AGAP1: variants seen among roughly 807,000 people sequenced by gnomAD.
The protein encoded by AGAP1 is ArfGAP with GTPase domain, ankyrin repeat and PH domain 1.
A neutral mutation model predicts 105.3 loss-of-function variants in AGAP1; 29 were observed. The observed-to-expected ratio is 0.28, with a 90% CI of 0.21 to 0.38. The LOEUF is 0.38. Among genes scored for constraint, AGAP1 ranks in the 10% least tolerant of loss-of-function variants. The pLI, the probability that AGAP1 is intolerant of heterozygous loss-of-function variation, is 1.00. For missense variants in AGAP1, 998 were observed against 1,165.1 expected (o/e 0.86, Z 2.09); for synonymous variants, 509 against 485.9 (o/e 1.05, Z -0.63).
rs1380946915 is a variant in AGAP1 at position 235,960,342 on chromosome 2, GA to G, written c.1484-8116del. ...ATCCCATGACAACCCTGTGTCCTCT[GA>G]AAAGCTTGCCTCCTTCTCCCCGCAG... On this transcript the variant is annotated intron_variant, in intron 12 of 17. Transcript: ENST00000304032. The surrounding 1 kb of genome is among the most constrained non-coding windows in gnomAD (Gnocchi z 4.9). Among the ~76,000 whole-genome samples, 1 of 152,180 alleles carries G rather than the reference GA, an allele frequency of 6.6e-6. No individual in the cohort carries two copies. The highest frequency in any genetic ancestry group is 1.5e-5 in the Non-Finnish European group (1 of 68,036).
chr2:236,012,549 C>T lies in AGAP1; in HGVS notation c.1646-24012C>T, dbSNP rs1302944511. ...GACCCGGGACAGATTTGGTTTCCTTCGTTCCTCATGCATGGTATTTGTACC... is the reference window on the plus strand; with the variant it reads ...GACCCGGGACAGATTTGGTTTCCTTTGTTCCTCATGCATGGTATTTGTACC... On this transcript the variant is annotated intron_variant, in intron 13 of 17. Transcript: ENST00000304032. This position sits in a 1 kb window ranked among gnomAD's most constrained non-coding sequence, Gnocchi z 4.9. Among the ~76,000 whole-genome samples, 1 of 152,078 alleles carries T rather than the reference C, an allele frequency of 6.6e-6. No individual in the cohort carries two copies. Among genetic ancestry groups the T allele is most frequent in the Non-Finnish European group, 1.5e-5 (1 of 68,024 alleles).
At chr2:235,978,696 G>T (rs2054959927) in intron 13 of AGAP1, among the ~76,000 whole-genome samples, 3 of 152,196 alleles carry the variant, frequency 2.0e-5, no homozygotes. Flanking sequence ...AGAGCCTTCT[G>T]CAGGCCTCTT....
intron 9 of AGAP1, among the ~76,000 whole-genome samples, chr2:235,814,802 A>G (rs941879934): frequency 6.6e-6 from 1 of 152,184 alleles, no homozygotes; most frequent in Non-Finnish European, 1.5e-5. Flanking sequence ...GGAGGGGTTC[A>G]GGAGGAAGTG....
In AGAP1 at chr2:235,890,362, A is replaced by G. The variant is rs187994550; in HGVS notation, c.1155+6913A>G. Reference sequence around the variant, plus strand: ...AGATGGGATTTCACCATGTTGCCCAAGCTGGTCTCAAACTCCTGACCTCAA... The same window carrying G: ...AGATGGGATTTCACCATGTTGCCCAGGCTGGTCTCAAACTCCTGACCTCAA... On this transcript the variant is annotated intron_variant, in intron 10 of 17. Coordinates refer to ENST00000304032, the MANE Select transcript of AGAP1 (RefSeq NM_001037131.3). 2.3e-3 allele frequency among the ~76,000 whole-genome samples: 356 copies of G among 151,982 alleles called. 1 individual carries two copies. Among genetic ancestry groups the G allele is most frequent in the African/African-American group, 7.8e-3 (325 of 41,458 alleles).
rs1231303508 is a variant in AGAP1, at chr2:235,620,797, T to C, written c.164-88382T>C. Among the ~76,000 whole-genome samples the C allele has an allele frequency of 6.6e-6, 1 of 152,236 alleles. No individual in the cohort carries two copies. Among genetic ancestry groups the C allele is most frequent in the Non-Finnish European group, 1.5e-5 (1 of 68,048 alleles). On this transcript the variant is annotated intron_variant, in intron 1 of 17. Transcript: ENST00000304032. The surrounding 1 kb of genome is among the most constrained non-coding windows in gnomAD (Gnocchi z 4.5). ...TGTCGATGTTCGTTAGGCATGCAGG[T>C]GAACAAGTGAATGAGTGATCCTGAG...
rs1185591390 is a variant in AGAP1, at chr2:235,692,786, A to G, written c.164-16393A>G. Among the ~76,000 whole-genome samples, 2 of 152,100 alleles carry G rather than the reference A, an allele frequency of 1.3e-5. No individual in the cohort carries two copies. Among genetic ancestry groups the G allele is most frequent in the Non-Finnish European group, 2.9e-5 (2 of 68,012 alleles). Reference sequence around the variant, plus strand: ...CCCGCAGTCACAGGTCTTGCGGTGGACTTGCTGGTCGGCTGCTCTGCTGAT... The same window carrying G: ...CCCGCAGTCACAGGTCTTGCGGTGGGCTTGCTGGTCGGCTGCTCTGCTGAT... On this transcript the variant is annotated intron_variant, in intron 1 of 17. Transcript: ENST00000304032. The surrounding 1 kb of genome is among the most constrained non-coding windows in gnomAD (Gnocchi z 5.8).
intron 6 of AGAP1, among the ~76,000 whole-genome samples, chr2:235,797,451 A>G (rs970808457): frequency 4.0e-5 from 6 of 151,824 alleles, no homozygotes; most frequent in Non-Finnish European, 5.9e-5. Context: ...AACATACGAG[A>G]ATTTAGGCAA....
At chr2:235,831,182 T>G (rs2106341908) in intron 9 of AGAP1, among the ~76,000 whole-genome samples, 1 of 105,476 alleles carries the variant, frequency 9.5e-6, no homozygotes, top group South Asian at 3.0e-4. Flanking sequence ...ACTCTTCTTC[T>G]TTAAAAAAAA....
rs200110792 is a variant in AGAP1, at chr2:235,950,887, C to CTTTTTTT, written c.1484-17549_1484-17543dup. On this transcript the variant is annotated intron_variant, in intron 12 of 17. Transcript: ENST00000304032. Reference sequence around the variant, plus strand: ...AAATGTAACTCGGGATCTCCAAGCACTTTTTTTTTTTTTTTTTTTTTTTTT... The same window carrying CTTTTTTT: ...AAATGTAACTCGGGATCTCCAAGCACTTTTTTTTTTTTTTTTTTTTTTTTTTTTTTTT... 4.5e-4 allele frequency among the ~76,000 whole-genome samples: 53 copies of CTTTTTTT among 118,230 alleles called. 2 individuals carry two copies. The highest frequency in any genetic ancestry group is 1.1e-3 in the East Asian group (4 of 3,550). 77.6% of individuals were successfully genotyped at this position (118,230 alleles called of 152,430 possible).
At chr2:235,946,987 C>G (rs2053530307) in intron 12 of AGAP1, among the ~76,000 whole-genome samples, 1 of 152,156 alleles carries the variant, frequency 6.6e-6, no homozygotes. Flanking sequence ...CTTCTGACAG[C>G]CTTTGTCATC....
intron 13 of AGAP1, among the ~76,000 whole-genome samples, chr2:236,010,506 CTGTT>C (rs954687756): frequency 1.3e-5 from 2 of 152,190 alleles, no homozygotes; most frequent in African/African-American, 4.8e-5. Flanking sequence ...AAGTGCATCA[CTGTT>C]TGTGCACCAC....
At position 235,557,848 on chromosome 2, in the gene AGAP1, A is replaced by T. The variant is rs769500942; in HGVS notation, c.163+62999A>T. Among the ~76,000 whole-genome samples the T allele has an allele frequency of 6.6e-6, 1 of 152,186 alleles. No individual in the cohort carries two copies. Among genetic ancestry groups the T allele is most frequent in the Non-Finnish European group, 1.5e-5 (1 of 68,046 alleles). Reference sequence around the variant, plus strand: ...GGGAAGTTAGACACTTTAGATTCACAGTTAACTGTTGATGCTTAAATGACA... The same window carrying T: ...GGGAAGTTAGACACTTTAGATTCACTGTTAACTGTTGATGCTTAAATGACA... On this transcript the variant is annotated intron_variant, in intron 1 of 17. Transcript: ENST00000304032. This position sits in a 1 kb window ranked among gnomAD's most constrained non-coding sequence, Gnocchi z 4.7.
rs753387109 is a variant in AGAP1, at chr2:235,701,746, T to G, written c.164-7433T>G. ...TCTGATCCAGTTTGCAGCGGGCTCT[T>G]TTCCGGCTGCGTTGAAATGGATTTC... On this transcript the variant is annotated intron_variant, in intron 1 of 17. Coordinates refer to ENST00000304032, the MANE Select transcript of AGAP1 (RefSeq NM_001037131.3). This position sits in a 1 kb window ranked among gnomAD's most constrained non-coding sequence, Gnocchi z 4.1. Among the ~76,000 whole-genome samples, 10 of 152,188 alleles carry G rather than the reference T, an allele frequency of 6.6e-5. No homozygotes were observed. Among genetic ancestry groups the G allele is most frequent in the Non-Finnish European group, 1.3e-4 (9 of 68,032 alleles).
intron 6 of AGAP1, among the ~76,000 whole-genome samples, chr2:235,771,095 A>G (rs1955407347): frequency 6.6e-6 from 1 of 152,228 alleles, no homozygotes; most frequent in South Asian, 2.1e-4. Context: ...AGGCCCACAG[A>G]TAACTGCTCA....
Position 235,505,235 on chromosome 2 carries a change from G to C in AGAP1, c.163+10386G>C, listed in dbSNP as rs116734426. 2.3e-3 allele frequency among the ~76,000 whole-genome samples: 355 copies of C among 152,272 alleles called. 1 individual carries two copies. The highest frequency in any genetic ancestry group is 4.2e-3 in the Non-Finnish European group (283 of 67,998). ...TAGCAATTATGCTGAAGACACAAAA[G>C]AAGAAAAAAAGCTAAGTGTTGCCAA... On this transcript the variant is annotated intron_variant, in intron 1 of 17. Coordinates refer to ENST00000304032, the MANE Select transcript of AGAP1 (RefSeq NM_001037131.3).
intron 1 of AGAP1, among the ~76,000 whole-genome samples, chr2:235,543,423 G>C (rs1164044722): frequency 5.3e-5 from 8 of 152,206 alleles, no homozygotes; most frequent in African/African-American, 1.9e-4. Context: ...GTGTCCCCGT[G>C]TACGGGGAGA....
rs368183402 is a variant in AGAP1 at position 235,747,165 on chromosome 2, C to T, written c.538+2326C>T. 6.6e-6 allele frequency among the ~76,000 whole-genome samples: 1 copy of T among 152,100 alleles called. No individual in the cohort carries two copies. The highest frequency in any genetic ancestry group is 1.9e-4 in the East Asian group (1 of 5,166). On this transcript the variant is annotated intron_variant, in intron 5 of 17. Coordinates refer to ENST00000304032, the MANE Select transcript of AGAP1 (RefSeq NM_001037131.3). The surrounding 1 kb of genome is among the most constrained non-coding windows in gnomAD (Gnocchi z 5.0). ...TGCCTGGAATCCTGAACCCCACCCC[C>T]CACTGTCCCTGCCCCTGGAGGCAGC... is the stretch of plus-strand genomic sequence containing the variant.
chr2:235,594,526 G>T (rs1945454752), intron 1 of AGAP1, among the ~76,000 whole-genome samples: 1 of 152,040 alleles, frequency 6.6e-6, no homozygotes, highest in Non-Finnish European at 1.5e-5. Flanking sequence ...AGCATTTCAT[G>T]AGATTTATCA....
chr2:235,698,271 C>T (rs796461740), intron 1 of AGAP1, among the ~76,000 whole-genome samples: 2 of 151,688 alleles, frequency 1.3e-5, no homozygotes, highest in East Asian at 1.9e-4. Flanking sequence ...GATGAAGCTT[C>T]GCTTTGCTTG....
Sources: allele counts gnomAD v4.1 joint callset (sites outside exome capture counted in the v4.1 genomes callset), GRCh38; gene constraint gnomAD v4.1.1; non-coding constraint Gnocchi (gnomAD v3.1); transcripts MANE v1.5; gene names NCBI Gene and HGNC (gene_info 2026-07-23, HGNC 2026-07-21).